PDE3A: variants seen among roughly 807,000 people sequenced by gnomAD.
PDE3A encodes phosphodiesterase 3A, also known as cGMP-inhibited 3',5'-cyclic phosphodiesterase 3A.
In PDE3A, 43 loss-of-function variants were observed where a neutral mutation model predicts 98.3. The ratio of observed to expected loss-of-function variants is 0.44; its 90% CI spans 0.34 to 0.56. The LOEUF (loss-of-function observed/expected upper bound fraction) is 0.56. PDE3A is among the 20% of genes least tolerant of loss of function. The pLI is 0.01. For missense variants in PDE3A, 1,427 were observed against 1,440.7 expected (o/e 0.99, Z 0.15); for synonymous variants, 663 against 567.9 (o/e 1.17, Z -2.38).
At chr12:20,398,342 A>C (rs915023558) in intron 1 of PDE3A, among the ~76,000 whole-genome samples, 1 of 149,446 alleles carries the variant, frequency 6.7e-6, no homozygotes, top group Non-Finnish European at 1.5e-5. Context: ...TAATAGCGAT[A>C]AATTTTTATT....
rs61536759 is a variant in PDE3A, at chr12:20,435,382, TA to T, written c.960+65147del. Among the ~76,000 whole-genome samples the T allele has an allele frequency of 5.3e-3, 809 of 151,720 alleles. 7 individuals are homozygous for T. Among genetic ancestry groups the T allele is most frequent in the African/African-American group, 0.018 (764 of 41,394 alleles). On this transcript the variant is annotated intron_variant, in intron 1 of 15. Transcript: ENST00000359062. ...AGAATTTAGGCTTGTCTTCCAGATT[TA>T]AAAAAAAATCATCTAAGGTGCAGTA... is the stretch of plus-strand genomic sequence containing the variant.
intron 1 of PDE3A, among the ~76,000 whole-genome samples, chr12:20,402,640 T>C (rs562580741): frequency 6.6e-6 from 1 of 152,334 alleles, no homozygotes; most frequent in Admixed American, 6.5e-5. Context: ...ACTATGAATA[T>C]AAATTTATTG....
intron 1 of PDE3A, among the ~76,000 whole-genome samples, chr12:20,417,271 A>C (rs1944436359): frequency 6.6e-6 from 1 of 152,214 alleles, no homozygotes; most frequent in African/African-American, 2.4e-5. Context: ...AAAGTCCTGT[A>C]GAAAAAGGTC....
At chr12:20,434,705 A>G (rs1944752760) in intron 1 of PDE3A, among the ~76,000 whole-genome samples, 1 of 152,218 alleles carries the variant, frequency 6.6e-6, no homozygotes, top group South Asian at 2.1e-4. Context: ...AGATCTAGGG[A>G]GAAATCAGAA....
chr12:20,679,828 T>C (rs867529341), intron 15 of PDE3A, among the ~76,000 whole-genome samples: 12 of 137,744 alleles, frequency 8.7e-5, no homozygotes, highest in Admixed American at 2.2e-4. Context: ...TCCTCTTTTT[T>C]CCCCATTCTC....
chr12:20,485,325 C>G (rs1439591053), intron 1 of PDE3A, among the ~76,000 whole-genome samples: 2 of 146,844 alleles, frequency 1.4e-5, no homozygotes, highest in Admixed American at 1.4e-4. Flanking sequence ...TTTATAAAGA[C>G]ACAGACATAT....
At chr12:20,384,034 T>G (rs576684037) in intron 1 of PDE3A, among the ~76,000 whole-genome samples, 1 of 152,022 alleles carries the variant, frequency 6.6e-6, no homozygotes, top group East Asian at 1.9e-4. Context: ...TATATTGAAA[T>G]CAGTACTGCC....
At chr12:20,371,373 T>A in intron 1 of PDE3A, 1 of 985,152 alleles carries the variant, frequency 1.0e-6, no homozygotes, top group South Asian at 4.7e-5. Flanking sequence ...GAGGAGCTGG[T>A]TGGATACAGC....
At chr12:20,477,269 G>A (rs907764678) in intron 1 of PDE3A, among the ~76,000 whole-genome samples, 1 of 152,112 alleles carries the variant, frequency 6.6e-6, no homozygotes, top group East Asian at 1.9e-4. Flanking sequence ...GAAATCTGGC[G>A]CTGCTAAAAG....
intron 1 of PDE3A, among the ~76,000 whole-genome samples, chr12:20,376,271 A>C (rs1271578245): frequency 2.0e-5 from 3 of 151,866 alleles, no homozygotes; most frequent in African/African-American, 7.2e-5. Context: ...AGAGTTAGCT[A>C]TATGTGTGAA....
At chr12:20,424,361 T>C (rs79309241) in intron 1 of PDE3A, among the ~76,000 whole-genome samples, 6,487 of 151,998 alleles carry the variant, frequency 0.043, 180 homozygotes, top group South Asian at 0.06. Context: ...CACTGCCCTC[T>C]TTCAATTACT....
At chr12:20,408,353 A>G (rs1470501476) in intron 1 of PDE3A, among the ~76,000 whole-genome samples, 1 of 152,222 alleles carries the variant, frequency 6.6e-6, no homozygotes, top group East Asian at 1.9e-4. Context: ...AAATATTGGT[A>G]TGGAATCTGC....
intron 2 of PDE3A, chr12:20,557,218 CAG>C (rs1942391205): frequency 2.6e-5 from 4 of 156,346 alleles, no homozygotes. Flanking sequence ...TCTATATTAC[CAG>C]AGTGTTTTCA....
chr12:20,558,439 C>A (rs574506121), intron 2 of PDE3A, among the ~76,000 whole-genome samples: 1 of 151,992 alleles, frequency 6.6e-6, no homozygotes, highest in Non-Finnish European at 1.5e-5. Context: ...AACATCAAGT[C>A]TTTTTTGGAT....
In PDE3A at chr12:20,687,101, T is replaced by G. The variant is rs576734034; in HGVS notation, c.*6830T>G. 2.0e-5 allele frequency among the ~76,000 whole-genome samples: 3 copies of G among 152,214 alleles called. No individual in the cohort carries two copies. Among genetic ancestry groups the G allele is most frequent in the African/African-American group, 7.2e-5 (3 of 41,558 alleles). ...AAGAGAAAGATTTTCTTTCCGGTAA[T>G]TTTACTCCCTAAAAAAGGCAAAATA... On this transcript the variant is annotated 3_prime_UTR_variant, in exon 16 of 16. Coordinates refer to ENST00000359062, the MANE Select transcript of PDE3A (RefSeq NM_000921.5).
intron 1 of PDE3A, among the ~76,000 whole-genome samples, chr12:20,456,178 GA>G (rs1945148502): frequency 6.6e-6 from 1 of 152,080 alleles, no homozygotes; most frequent in Non-Finnish European, 1.5e-5. Flanking sequence ...AGAACCTTTA[GA>G]GAGAATTGGA....
chr12:20,422,315 G>T (rs1944531920), intron 1 of PDE3A, among the ~76,000 whole-genome samples: 1 of 151,884 alleles, frequency 6.6e-6, no homozygotes, highest in African/African-American at 2.4e-5. Flanking sequence ...CTGCACTCCA[G>T]CCTGGGCAAC....
intron 1 of PDE3A, among the ~76,000 whole-genome samples, chr12:20,534,372 G>C (rs1413542986): frequency 6.6e-6 from 1 of 152,088 alleles, no homozygotes; most frequent in African/African-American, 2.4e-5. Context: ...TTCAACCTTT[G>C]CTTGTGCTAC....
At chr12:20,629,058 A>G (rs1203461677) in intron 5 of PDE3A, among the ~76,000 whole-genome samples, 7 of 152,236 alleles carry the variant, frequency 4.6e-5, no homozygotes, top group Non-Finnish European at 7.3e-5. Flanking sequence ...CATGAAAACC[A>G]GTAAGCAGGT....
Sources: gnomAD v4.1 joint callset for allele counts (sites outside exome capture counted in the v4.1 genomes callset) on GRCh38, gnomAD v4.1.1 for gene constraint, MANE v1.5 for transcripts, NCBI Gene and HGNC (gene_info 2026-07-23, HGNC 2026-07-21) for gene names.